PTPRD: variants seen among roughly 807,000 people sequenced by gnomAD.
PTPRD encodes receptor-type tyrosine-protein phosphatase delta.
In PTPRD, 34 loss-of-function variants were observed where a neutral mutation model predicts 214.5. The ratio of observed to expected loss-of-function variants is 0.16; its 90% CI spans 0.12 to 0.21. PTPRD has a LOEUF of 0.21. Ranked by LOEUF, PTPRD falls within the 10% of genes least tolerant of loss-of-function variation. The probability of loss-of-function intolerance (pLI) is 1.00; values close to 1 mark genes in which losing one functional copy is unlikely to be tolerated. For missense variants in PTPRD, 2,545 were observed against 2,398.7 expected (o/e 1.06, Z -1.27); for synonymous variants, 1,128 against 845.7 (o/e 1.33, Z -5.79).
intron 9 of PTPRD, among the ~76,000 whole-genome samples, chr9:9,330,024 C>T (rs1467049744): frequency 1.3e-5 from 2 of 152,084 alleles, no homozygotes; most frequent in African/African-American, 2.4e-5. Flanking sequence ...ACTAAACAGG[C>T]TTGACTAAAA....
chr9:8,896,459 T>C (rs1020529304), intron 11 of PTPRD, among the ~76,000 whole-genome samples: 10 of 152,170 alleles, frequency 6.6e-5, no homozygotes, highest in African/African-American at 2.2e-4. Context: ...AAATAGCATA[T>C]AGAACACAAA....
chr9:9,409,905 T>C (rs530378672), intron 8 of PTPRD, among the ~76,000 whole-genome samples: 20 of 152,248 alleles, frequency 1.3e-4, no homozygotes, highest in Middle Eastern at 3.4e-3. Flanking sequence ...GGTCTAACAT[T>C]GAATCTAAAT....
intron 5 of PTPRD, among the ~76,000 whole-genome samples, chr9:9,769,052 G>T (rs930922388): frequency 6.6e-6 from 1 of 151,042 alleles, no homozygotes; most frequent in Non-Finnish European, 1.5e-5. Flanking sequence ...TTTAAGATTG[G>T]TTTAATTTAA....
At chr9:10,266,245 G>A (rs1016219806) in intron 3 of PTPRD, among the ~76,000 whole-genome samples, 9 of 151,686 alleles carry the variant, frequency 5.9e-5, no homozygotes, top group African/African-American at 2.2e-4. Flanking sequence ...ACCAAGCAAT[G>A]TAAGGAGTGT....
intron 11 of PTPRD, among the ~76,000 whole-genome samples, chr9:8,990,531 T>C (rs2154347136): frequency 6.6e-6 from 1 of 152,284 alleles, no homozygotes; most frequent in South Asian, 2.1e-4. Flanking sequence ...CCTGCCCTCC[T>C]GTCCCTGGCC....
chr9:9,651,422 G>C (rs1156852200), intron 7 of PTPRD, among the ~76,000 whole-genome samples: 1 of 151,984 alleles, frequency 6.6e-6, no homozygotes, highest in African/African-American at 2.4e-5. Context: ...AAACCTTAGG[G>C]AGTGTTGTTC....
rs931067514 is a variant in PTPRD, at chr9:9,534,906, C to T, written c.-237+39826G>A. The stretch of plus-strand genomic sequence containing the variant: ...AAGACAGCTATTTATTTATTCAGTG[C>T]GTATCTGCTGTGTGCTTACTGTGCA... On this transcript the variant is annotated intron_variant, in intron 8 of 45. Transcript: ENST00000381196. 5.3e-5 allele frequency among the ~76,000 whole-genome samples: 8 copies of T among 152,010 alleles called. No homozygotes were observed. In the East Asian group the frequency reaches 9.7e-4, roughly 18 times the overall value.
intron 2 of PTPRD, among the ~76,000 whole-genome samples, chr9:10,580,715 A>G (rs2071425288): frequency 6.6e-6 from 1 of 152,178 alleles, no homozygotes; most frequent in South Asian, 2.1e-4. Context: ...ATAGTCAAAG[A>G]AGAATAAACC....
chr9:9,797,243 GTTTTTTTT>G (rs56375104), intron 5 of PTPRD, among the ~76,000 whole-genome samples: 1 of 98,100 alleles, frequency 1.0e-5, no homozygotes, highest in African/African-American at 4.0e-5. Context: ...ATTTCAGGCA[GTTTTTTTT>G]TTTTTTTTTT....
intron 2 of PTPRD, among the ~76,000 whole-genome samples, chr9:10,550,772 C>T (rs2061164388): frequency 6.6e-6 from 1 of 152,234 alleles, no homozygotes; most frequent in Non-Finnish European, 1.5e-5. Context: ...TCTATCTCAG[C>T]TTCAGCTCTT....
intron 2 of PTPRD, among the ~76,000 whole-genome samples, chr9:10,582,272 C>T (rs986551114): frequency 2.0e-5 from 3 of 152,092 alleles, no homozygotes; most frequent in Non-Finnish European, 2.9e-5. Flanking sequence ...ATTTCTATAC[C>T]GGACCTTGTT....
chr9:10,175,158 T>C lies in PTPRD; in HGVS notation c.-544-141368A>G, dbSNP rs116919767. ...AGAAGCTGGATCAATCCAAAAATTA[T>C]CAGGATGCTGTGCCTGCAATAGTAC... On this transcript the variant is annotated intron_variant, in intron 3 of 45. Transcript: ENST00000381196. Among the ~76,000 whole-genome samples the C allele has an allele frequency of 1.1e-3, 166 of 152,188 alleles. No individual in the cohort carries two copies. The Middle Eastern group carries it at 0.041, about 37-fold the overall frequency.
chr9:9,890,380 T>C (rs1170960243), intron 5 of PTPRD, among the ~76,000 whole-genome samples: 1 of 151,794 alleles, frequency 6.6e-6, no homozygotes, highest in African/African-American at 2.4e-5. Context: ...GAATTTTTTA[T>C]AGAGATGAGG....
intron 12 of PTPRD, among the ~76,000 whole-genome samples, chr9:8,654,042 T>G (rs558876971): frequency 1.3e-5 from 2 of 152,324 alleles, no homozygotes; most frequent in Non-Finnish European, 2.9e-5. Flanking sequence ...GAGCCTGTCC[T>G]GTGCATTGCA....
At chr9:9,858,212 T>G (rs993216330) in intron 5 of PTPRD, among the ~76,000 whole-genome samples, 1 of 152,204 alleles carries the variant, frequency 6.6e-6, no homozygotes, top group African/African-American at 2.4e-5. Flanking sequence ...TTCATGATGC[T>G]CTGGAAGCCC....
chr9:9,059,510 T>C (rs1004773075), intron 10 of PTPRD, among the ~76,000 whole-genome samples: 3 of 152,098 alleles, frequency 2.0e-5, no homozygotes, highest in Non-Finnish European at 2.9e-5. Context: ...GAACCATGAA[T>C]GGACACAGTT....
chr9:9,802,173 G>A (rs549923964), intron 5 of PTPRD, among the ~76,000 whole-genome samples: 2 of 152,058 alleles, frequency 1.3e-5, no homozygotes, highest in Non-Finnish European at 1.5e-5. Context: ...GGTCCAATAT[G>A]ATAATTTAAA....
intron 11 of PTPRD, among the ~76,000 whole-genome samples, chr9:8,776,909 AATATAT>A (rs2095505070): frequency 9.3e-5 from 2 of 21,604 alleles, no homozygotes; most frequent in African/African-American, 5.1e-4. Context: ...ACATATGTAT[AATATAT>A]GTATAATATA....
chr9:10,173,201 G>C (rs979714260), intron 3 of PTPRD, among the ~76,000 whole-genome samples: 4 of 152,132 alleles, frequency 2.6e-5, no homozygotes, highest in Admixed American at 6.5e-5. Flanking sequence ...TGAAGTGTTG[G>C]AGAATGCTCT....
Sources: gnomAD v4.1 joint callset for allele counts (sites outside exome capture counted in the v4.1 genomes callset) on GRCh38, gnomAD v4.1.1 for gene constraint, MANE v1.5 for transcripts, NCBI Gene and HGNC (gene_info 2026-07-23, HGNC 2026-07-21) for gene names.